RAB40B: variants seen among roughly 807,000 people sequenced by gnomAD.
The protein encoded by RAB40B is RAB40B, member RAS oncogene family.
RAB40B carries 21 observed loss-of-function variants against 24.0 expected under a neutral mutation model. That is an observed-to-expected ratio of 0.88 (90% CI 0.62 to 1.26). The LOEUF (loss-of-function observed/expected upper bound fraction) is 1.26, where lower values mean the gene tolerates loss of function less well. Ranked by LOEUF, RAB40B falls within the 50% of genes most tolerant of loss-of-function variation. RAB40B has a pLI of 0.00. For synonymous variants in RAB40B, 167 were observed against 169.8 expected, an observed-to-expected ratio of 0.98 and a Z score of 0.13; for missense variants, 348 against 390.5, an observed-to-expected ratio of 0.89 and a Z score of 0.92.
chr17:82,693,911 C>G (rs899042286), intron 1 of RAB40B, among the ~76,000 whole-genome samples: 1 of 151,238 alleles, frequency 6.6e-6, no homozygotes, highest in Non-Finnish European at 1.5e-5. Flanking sequence ...AGTGAAACCC[C>G]GTCTCTACTA....
intron 1 of RAB40B, among the ~76,000 whole-genome samples, chr17:82,686,590 A>G (rs1327188827): frequency 2.0e-5 from 3 of 152,192 alleles, no homozygotes; most frequent in African/African-American, 7.2e-5. Context: ...AGGCCACAGA[A>G]CGCCGAGGGC....
intron 1 of RAB40B, among the ~76,000 whole-genome samples, chr17:82,665,878 CAAG>C (rs1195064726): frequency 7.2e-5 from 10 of 138,456 alleles, no homozygotes; most frequent in Admixed American, 5.8e-4. Flanking sequence ...AAACAAACAA[CAAG>C]AACAACAACA....
chr17:82,695,823 C>T (rs1339018372), intron 1 of RAB40B, among the ~76,000 whole-genome samples: 1 of 152,046 alleles, frequency 6.6e-6, no homozygotes, highest in Non-Finnish European at 1.5e-5. Context: ...AGGGTACACC[C>T]GTGATATCAG....
At position 82,675,151 on chromosome 17, in the gene RAB40B, A is replaced by G. The variant is rs1387975627; in HGVS notation, c.143-10595T>C. Among the ~76,000 whole-genome samples, 1 of 152,246 alleles carries G rather than the reference A, an allele frequency of 6.6e-6. No individual in the cohort carries two copies. Among genetic ancestry groups the G allele is most frequent in the East Asian group, 1.9e-4 (1 of 5,208 alleles). On this transcript the variant is annotated intron_variant, in intron 1 of 5. Coordinates refer to ENST00000571995, the MANE Select transcript of RAB40B (RefSeq NM_006822.3). The surrounding 1 kb of genome is among the most constrained non-coding windows in gnomAD (Gnocchi z 4.5). ...GCATTTTCACATCTTCCCCAAGCAA[A>G]GTACAATGACCTCCACATCCCGGAA...
rs2046111479 is a variant in RAB40B, at chr17:82,658,224, C to T, written c.566-90G>A. 5 of 1,524,988 alleles carry T rather than the reference C, an allele frequency of 3.3e-6. No individual in the cohort carries two copies. The Admixed American group carries it at 7.9e-5, about 24-fold the overall frequency. 94.5% of individuals were successfully genotyped at this position (1,524,988 alleles called of 1,614,324 possible). A position where few individuals can be genotyped will look rare whatever the true frequency, so the allele number is the denominator to read the frequency against. ...GTGCCCACACCTGTTCTCCCGCCCTCCCAAGGCTCGGACGCCCGTGGCCCT... is the reference window on the plus strand; with the variant it reads ...GTGCCCACACCTGTTCTCCCGCCCTTCCAAGGCTCGGACGCCCGTGGCCCT... On this transcript the variant is annotated intron_variant, in intron 5 of 5. Coordinates refer to ENST00000571995, the MANE Select transcript of RAB40B (RefSeq NM_006822.3).
rs2046124547 is a variant in RAB40B at position 82,658,915 on chromosome 17, A to C, written c.343-202T>G. ...CGCACTGAATTAGGGCCCTCATCTAATGACTGGTGTCCTTGGGAGAAGAGA... is the reference window on the plus strand; with the variant it reads ...CGCACTGAATTAGGGCCCTCATCTACTGACTGGTGTCCTTGGGAGAAGAGA... On this transcript the variant is annotated intron_variant, in intron 4 of 5. Coordinates refer to ENST00000571995, the MANE Select transcript of RAB40B (RefSeq NM_006822.3). The C allele has an allele frequency of 1.3e-5, 7 of 556,436 alleles. No individual in the cohort carries two copies. In the East Asian group the frequency reaches 1.5e-4, roughly 12 times the overall value. The allele number at this position is 556,436 out of a possible 1,614,324, so 34.5% of individuals were successfully genotyped here.
chr17:82,673,088 C>G (rs1386430369), intron 1 of RAB40B, among the ~76,000 whole-genome samples: 3 of 152,058 alleles, frequency 2.0e-5, no homozygotes, highest in African/African-American at 4.8e-5. Context: ...CCTGTAGTCC[C>G]AGATACTTGG....
At chr17:82,695,078 G>T (rs929038654) in intron 1 of RAB40B, among the ~76,000 whole-genome samples, 2 of 151,812 alleles carry the variant, frequency 1.3e-5, no homozygotes, top group Admixed American at 6.5e-5. Flanking sequence ...AGAAGCAAGG[G>T]CTATAAACCT....
rs540055724 is a variant in RAB40B at position 82,697,510 on chromosome 17, G to A, written c.142+945C>T. 2.4e-4 allele frequency among the ~76,000 whole-genome samples: 37 copies of A among 152,280 alleles called. No homozygotes were observed. In the South Asian group the frequency reaches 6.6e-3, roughly 27 times the overall value. ...GACTCAGAGCGGGTCTCTGTTGGAA[G>A]CGTGGGTTCAGCCCCGAGGCGCGGC... On this transcript the variant is annotated intron_variant, in intron 1 of 5. Coordinates refer to ENST00000571995, the MANE Select transcript of RAB40B (RefSeq NM_006822.3). The surrounding 1 kb of genome is among the most constrained non-coding windows in gnomAD (Gnocchi z 4.9).
Position 82,698,499 on chromosome 17 carries a change from C to G in RAB40B, c.98G>C (p.Ser33Thr). ...GGACTCGGCCGCGCCATCCTGCAGGCTCGCCAGGATCTCGCCCTTGCCCAC... is the reference window on the plus strand; with the variant it reads ...GGACTCGGCCGCGCCATCCTGCAGGGTCGCCAGGATCTCGCCCTTGCCCAC... ...SDVGKGEILA[S>T]LQDGAAESPY... is the part of the protein sequence containing the mutation. The change falls in exon 1 of 6, where the codon AGC becomes ACC. Residue 33 changes from serine to threonine, a missense_variant. Around this residue, in one of 3 missense-constraint regions of RAB40B, gnomAD observed 101 missense variants for 85.5 expected, o/e 1.18. Coordinates refer to ENST00000571995, the MANE Select transcript of RAB40B (RefSeq NM_006822.3). The G allele has an allele frequency of 6.6e-7, 1 of 1,513,628 alleles. No homozygotes were observed. Among genetic ancestry groups the G allele is most frequent in the South Asian group, 1.2e-5 (1 of 84,032 alleles). 93.8% of individuals were successfully genotyped at this position (1,513,628 alleles called of 1,614,324 possible).
At chr17:82,659,714 C>T in intron 3 of RAB40B, 57 bp from the exon 4 acceptor site, 1 of 1,386,430 alleles carries the variant, frequency 7.2e-7, no homozygotes, top group Non-Finnish European at 1.0e-6. Context: ...ACAGCTGTGG[C>T]CATGCACGCA....
intron 1 of RAB40B, among the ~76,000 whole-genome samples, chr17:82,676,857 C>T (rs1598307833): frequency 6.6e-6 from 1 of 152,126 alleles, no homozygotes; most frequent in East Asian, 1.9e-4. Flanking sequence ...AACTCCTGAC[C>T]TCAGGTGATC....
In RAB40B at chr17:82,663,104, G is replaced by T. The variant is rs1449288503; in HGVS notation, c.203+1392C>A. 6.6e-6 allele frequency among the ~76,000 whole-genome samples: 1 copy of T among 152,190 alleles called. No homozygotes were observed. Among genetic ancestry groups the T allele is most frequent in the African/African-American group, 2.4e-5 (1 of 41,446 alleles). ...TGACGGCAACCCCAACGCCAGCCCA[G>T]CGAGGGCATGGCCCCGGGGGAGTGG... On this transcript the variant is annotated intron_variant, in intron 2 of 5. Transcript: ENST00000571995. The surrounding 1 kb of genome is among the most constrained non-coding windows in gnomAD (Gnocchi z 6.2).
At chr17:82,690,829 C>T (rs930709602) in intron 1 of RAB40B, among the ~76,000 whole-genome samples, 12 of 150,694 alleles carry the variant, frequency 8.0e-5, no homozygotes, top group East Asian at 2.0e-4. Flanking sequence ...AGAGTGTGCA[C>T]GTGTGTCCAG....
Position 82,664,501 on chromosome 17 carries a change from C to T in RAB40B, c.198G>A (p.Gln66=). 2.5e-6 allele frequency: 4 copies of T among 1,613,232 alleles called. No homozygotes were observed. Among genetic ancestry groups the T allele is most frequent in the Non-Finnish European group, 3.4e-6 (4 of 1,179,576 alleles). Residue 66 remains glutamine (Q), a synonymous_variant, in exon 2 of 6, where the codon CAG becomes CAA. Transcript: ENST00000571995. The part of the protein sequence containing the change: ...ILLDGRRVKL[Q]LWDTSGQGRF... ...CGCACCTCCTCCAGACTCACCAGAGCTGCAGCTTCACCCGCCGCCCGTCCA... is the reference window on the plus strand; with the variant it reads ...CGCACCTCCTCCAGACTCACCAGAGTTGCAGCTTCACCCGCCGCCCGTCCA...
chr17:82,686,064 AGTGCTGGGATTACAGGC>A (rs1275743721), intron 1 of RAB40B, among the ~76,000 whole-genome samples: 2 of 149,374 alleles, frequency 1.3e-5, no homozygotes, highest in African/African-American at 5.0e-5. Context: ...GGCCTCCCAA[AGTGCTGGGATTACAGGC>A]GTGAGCCACC....
chr17:82,663,777 G>C lies in RAB40B; in HGVS notation c.203+719C>G, dbSNP rs996111977. Among the ~76,000 whole-genome samples the C allele has an allele frequency of 6.6e-6, 1 of 152,160 alleles. No homozygotes were observed. Among genetic ancestry groups the C allele is most frequent in the Non-Finnish European group, 1.5e-5 (1 of 68,014 alleles). The stretch of plus-strand genomic sequence containing the variant: ...AGGAGCCCCGGGCTGCCTCAACCAC[G>C]CTGCATCGGTCCCCTCTTGGCATCT... On this transcript the variant is annotated intron_variant, in intron 2 of 5. Coordinates refer to ENST00000571995, the MANE Select transcript of RAB40B (RefSeq NM_006822.3). The surrounding 1 kb of genome is among the most constrained non-coding windows in gnomAD (Gnocchi z 6.2).
At chr17:82,687,628 G>C (rs1374118553) in intron 1 of RAB40B, among the ~76,000 whole-genome samples, 1 of 152,200 alleles carries the variant, frequency 6.6e-6, no homozygotes, top group Non-Finnish European at 1.5e-5. Flanking sequence ...TCCACTGACA[G>C]CTTTCTGGGG....
At chr17:82,680,427 C>T (rs1475939558) in intron 1 of RAB40B, among the ~76,000 whole-genome samples, 1 of 152,220 alleles carries the variant, frequency 6.6e-6, no homozygotes, top group Non-Finnish European at 1.5e-5. Flanking sequence ...ACTCAAAGTC[C>T]TGGCTGGAGG....
Sources: allele counts gnomAD v4.1 joint callset (sites outside exome capture counted in the v4.1 genomes callset), GRCh38; gene constraint gnomAD v4.1.1; regional missense constraint gnomAD v4.1.1; non-coding constraint Gnocchi (gnomAD v3.1); transcripts MANE v1.5; gene names NCBI Gene and HGNC (gene_info 2026-07-23, HGNC 2026-07-21).